Variants in SLC12A7 observed in about 807,000 individuals in gnomAD.
SLC12A7 encodes the protein solute carrier family 12 member 7.
A neutral mutation model predicts 120.6 loss-of-function variants in SLC12A7; 100 were observed. The observed-to-expected ratio is 0.83, with a 90% confidence interval of 0.71 to 0.98. The LOEUF (loss-of-function observed/expected upper bound fraction) is 0.98, where lower values mean the gene tolerates loss of function less well. SLC12A7 is among the 50% of genes least tolerant of loss of function. SLC12A7 has a pLI of 0.00. For missense variants in SLC12A7, 1,373 were observed against 1,548.1 expected, an observed-to-expected ratio of 0.89 and a Z score of 1.90; for synonymous variants, 760 against 678.0, an observed-to-expected ratio of 1.12 and a Z score of -1.88.
At chr5:1,059,533 C>T (rs1735968970) in intron 21 of SLC12A7, among the ~76,000 whole-genome samples, 1 of 152,218 alleles carries the variant, frequency 6.6e-6, no homozygotes, top group African/African-American at 2.4e-5. Flanking sequence ...CGTGACCTCA[C>T]AGAGCTGAGC....
intron 3 of SLC12A7, among the ~76,000 whole-genome samples, chr5:1,093,040 CCCT>C (rs2150877679): frequency 6.6e-6 from 1 of 152,306 alleles, no homozygotes; most frequent in African/African-American, 2.4e-5. Flanking sequence ...CACTGCACCC[CCCT>C]CGTTTCCTAG....
Position 1,065,336 on chromosome 5 carries a change from C to G in SLC12A7, c.2384G>C (p.Trp795Ser), listed in dbSNP as rs1561044777. Residue 795 changes from tryptophan (W) to serine (S), a missense_variant, in exon 18 of 24, where the codon TGG (tryptophan) becomes TCG (serine). By Grantham distance (177) the Trp-to-Ser change is radical. Transcript: ENST00000264930. ...GTCCTCCTGCTTCCAGGATGCGGGC[C>G]AGGCCATGAGCACCGTGTTGTGCTT... ...GLKHNTVLMA[W>S]PASWKQEDNP... 10 of 1,604,066 alleles carry G rather than the reference C, an allele frequency of 6.2e-6. No homozygotes were observed. Among genetic ancestry groups the G allele is most frequent in the Non-Finnish European group, 7.7e-6 (9 of 1,174,180 alleles).
rs1189135352 is a variant in SLC12A7 at position 1,065,406 on chromosome 5, C to T, written c.2314G>A (p.Asp772Asn). ...CQLVVSSSLR[D>N]GMSHLIQSAG... ...GACTGGATCAGGTGGGACATGCCAT[C>T]CCGCAGGCTGGACGAGACCACCAGC... is the stretch of plus-strand genomic sequence containing the variant. Residue 772 changes from aspartate to asparagine, a missense_variant, in exon 18 of 24, where the codon GAT becomes AAT. Coordinates refer to ENST00000264930, the MANE Select transcript of SLC12A7 (RefSeq NM_006598.3). The T allele has an allele frequency of 1.2e-6, 2 of 1,612,548 alleles. No homozygotes were observed. Among genetic ancestry groups the T allele is most frequent in the Non-Finnish European group, 1.7e-6 (2 of 1,179,584 alleles).
At position 1,060,349 on chromosome 5, in the gene SLC12A7, G is replaced by C; in HGVS notation, c.2842C>G (p.Arg948Gly). ...QMQLSKNEQE[R>G]EAQLIHDRNT... ...TGGCCACGGCCCCCACGTACCTCTCGCTCCTGCTCGTTCTTGGACAGCTGC... is the reference window on the plus strand; with the variant it reads ...TGGCCACGGCCCCCACGTACCTCTCCCTCCTGCTCGTTCTTGGACAGCTGC... The change falls in exon 21 of 24, where the codon CGA becomes GGA. Residue 948 changes from arginine (R) to glycine (G), a missense_variant. By Grantham distance (125) the Arg-to-Gly change is moderately radical (BLOSUM62 -2). Transcript: ENST00000264930. 6.2e-7 allele frequency: 1 copy of C among 1,612,170 alleles called. No homozygotes were observed. The highest frequency in any genetic ancestry group is 1.7e-5 in the Admixed American group (1 of 60,018).
the SLC12A7 span, among the ~76,000 whole-genome samples, chr5:1,138,832 G>A: frequency 5.6e-3 from 847 of 152,314 alleles, 6 homozygotes; most frequent in Non-Finnish European, 8.2e-3. Context: ...ACAGCCCTGT[G>A]TGCACAGTGG....
chr5:1,065,534 G>C, intron 17 of SLC12A7, 56 bp from the exon 18 acceptor site: 13 of 1,441,792 alleles, frequency 9.0e-6, no homozygotes, highest in Non-Finnish European at 1.2e-5. Flanking sequence ...ACAGACCCAC[G>C]CCCACCACCC....
intron 1 of SLC12A7, among the ~76,000 whole-genome samples, chr5:1,099,196 C>G (rs945163511): frequency 6.6e-6 from 1 of 152,168 alleles, no homozygotes; most frequent in African/African-American, 2.4e-5. Flanking sequence ...TCTCCCCAGC[C>G]AAACCCCACC....
chr5:1,077,010 G>A (rs767239434), intron 12 of SLC12A7, among the ~76,000 whole-genome samples, 198 bp from the exon 13 acceptor site: 23 of 152,166 alleles, frequency 1.5e-4, no homozygotes, highest in African/African-American at 5.3e-4. Context: ...GGAGGCTTCA[G>A]AGCTGTGCCT....
At chr5:1,078,967 C>A (rs879471118) in intron 10 of SLC12A7, among the ~76,000 whole-genome samples, 2 of 152,146 alleles carry the variant, frequency 1.3e-5, no homozygotes, top group Admixed American at 6.5e-5. Context: ...CTCTGTCCAG[C>A]GCCACAGAAC....
chr5:1,108,930 C>A (rs889204427), intron 1 of SLC12A7, among the ~76,000 whole-genome samples: 1 of 152,160 alleles, frequency 6.6e-6, no homozygotes, highest in African/African-American at 2.4e-5. Flanking sequence ...CCTGGACAAC[C>A]GACACGAGCT....
chr5:1,061,419 A>G (rs1384545326), intron 20 of SLC12A7, among the ~76,000 whole-genome samples: 1 of 62,562 alleles, frequency 1.6e-5, no homozygotes, highest in African/African-American at 4.8e-5. Flanking sequence ...GCCATGCGGG[A>G]CCCCTGCGTC....
the SLC12A7 span, among the ~76,000 whole-genome samples, chr5:1,133,043 A>G: frequency 6.6e-6 from 1 of 152,140 alleles, no homozygotes; most frequent in East Asian, 1.9e-4. Context: ...TCAACCTCCC[A>G]AGTAGCTGGG....
At chr5:1,127,084 G>A in the SLC12A7 span, among the ~76,000 whole-genome samples, 1 of 151,996 alleles carries the variant, frequency 6.6e-6, no homozygotes, top group South Asian at 2.1e-4. Flanking sequence ...GCGCAATCTC[G>A]GCTCACTGCA....
the SLC12A7 span, among the ~76,000 whole-genome samples, chr5:1,134,989 T>G: frequency 6.6e-6 from 1 of 151,360 alleles, no homozygotes; most frequent in South Asian, 2.1e-4. Context: ...TACCTGGGTA[T>G]GGTGGCGGGG....
chr5:1,139,132 C>A, the SLC12A7 span, among the ~76,000 whole-genome samples: 4 of 152,224 alleles, frequency 2.6e-5, no homozygotes, highest in African/African-American at 4.8e-5. Flanking sequence ...CACAGCTGGG[C>A]TCCCTCCTCA....
chr5:1,079,534 G>GA, intron 9 of SLC12A7, 38 bp from the exon 10 acceptor site: 1 of 1,541,512 alleles, frequency 6.5e-7, no homozygotes, highest in Non-Finnish European at 9.0e-7. Context: ...CCCATCTGAG[G>GA]AGTCAGTGCC....
the SLC12A7 span, among the ~76,000 whole-genome samples, chr5:1,135,256 T>C: frequency 5.3e-5 from 8 of 152,274 alleles, no homozygotes; most frequent in East Asian, 1.9e-4. Context: ...AGTAAGGAAA[T>C]TGAAAGGTGC....
intron 16 of SLC12A7, 124 bp from the exon 17 acceptor site, chr5:1,073,925 C>A: frequency 4.1e-6 from 4 of 967,686 alleles, no homozygotes; most frequent in East Asian, 3.0e-5. Context: ...ACATGACAGG[C>A]GGGACAGGGG....
At position 1,083,424 on chromosome 5, in the gene SLC12A7, G is replaced by A. The variant is rs145681684; in HGVS notation, c.1129+321C>T. On this transcript the variant is annotated intron_variant, in intron 8 of 23. Coordinates refer to ENST00000264930, the MANE Select transcript of SLC12A7 (RefSeq NM_006598.3). ...AGGATACACAGAGGGGGAAGTTACC[G>A]CCCAGCTACCACTCCCTTCTTAACA... Among the ~76,000 whole-genome samples the A allele has an allele frequency of 2.7e-4, 41 of 152,272 alleles. No individual in the cohort carries two copies. The Middle Eastern group carries it at 0.01, about 38-fold the overall frequency.
Sources: gnomAD v4.1 joint callset for allele counts (sites outside exome capture counted in the v4.1 genomes callset) on GRCh38, gnomAD v4.1.1 for gene constraint, MANE v1.5 for transcripts, NCBI Gene and HGNC (gene_info 2026-07-23, HGNC 2026-07-21) for gene names.